Variants in TYW1B observed in about 807,000 individuals in gnomAD.
TYW1B encodes S-adenosyl-L-methionine-dependent tRNA 4-demethylwyosine synthase TYW1B.
TYW1B carries 73 observed loss-of-function variants against 86.9 expected under a neutral mutation model. That is an observed-to-expected ratio of 0.84 (90% CI 0.70 to 1.02). The LOEUF (loss-of-function observed/expected upper bound fraction) is 1.02. Among genes scored for constraint, TYW1B ranks in the 50% least tolerant of loss-of-function variants. TYW1B has a pLI of 0.00. For missense variants in TYW1B, 637 were observed against 827.4 expected (o/e 0.77, Z 2.82); for synonymous variants, 248 against 292.8 (o/e 0.85, Z 1.56).
chr7:72,575,905 G>T (rs529379042), intron 13 of TYW1B, among the ~76,000 whole-genome samples, 186 bp from the exon 14 acceptor site: 1 of 152,162 alleles, frequency 6.6e-6, no homozygotes, highest in South Asian at 2.1e-4. Flanking sequence ...AGCAAGATGC[G>T]CTACAATCAC....
At chr7:72,677,761 G>A (rs1813768396) in intron 11 of TYW1B, among the ~76,000 whole-genome samples, 1 of 152,030 alleles carries the variant, frequency 6.6e-6, no homozygotes, top group Non-Finnish European at 1.5e-5. Flanking sequence ...GAGTGCAGTA[G>A]CGTGATCTTG....
In TYW1B at chr7:72,667,378, T is replaced by C. The variant is rs183546056; in HGVS notation, c.1506+27309A>G. Reference sequence around the variant, plus strand: ...CCTTTGTAAGTATCAATTTAAAACGTTGTATTGAAAGACTGCTGTGCTGTA... The same window carrying C: ...CCTTTGTAAGTATCAATTTAAAACGCTGTATTGAAAGACTGCTGTGCTGTA... On this transcript the variant is annotated intron_variant, in intron 11 of 13. Coordinates refer to ENST00000620995, the MANE Select transcript of TYW1B (RefSeq NM_001145440.3). Among the ~76,000 whole-genome samples, 309 of 152,224 alleles carry C rather than the reference T, an allele frequency of 2.0e-3. 2 individuals are homozygous for C. The highest frequency in any genetic ancestry group is 4.3e-4 in the Non-Finnish European group (29 of 68,004).
intron 11 of TYW1B, among the ~76,000 whole-genome samples, chr7:72,677,544 G>C (rs1554447684): frequency 6.6e-6 from 1 of 152,170 alleles, no homozygotes; most frequent in African/African-American, 2.4e-5. Context: ...TTATACAGTT[G>C]AGGGAGGTTG....
At chr7:72,593,618 C>T (rs1373456477) in intron 13 of TYW1B, among the ~76,000 whole-genome samples, 7 of 151,880 alleles carry the variant, frequency 4.6e-5, no homozygotes, top group African/African-American at 1.2e-4. Flanking sequence ...GTCAGGAGAT[C>T]GAGACCATCC....
chr7:72,692,806 A>C (rs1467611565), intron 11 of TYW1B, among the ~76,000 whole-genome samples: 1 of 152,164 alleles, frequency 6.6e-6, no homozygotes, highest in African/African-American at 2.4e-5. Context: ...AAATCTGGGG[A>C]GACAGTAACC....
At chr7:72,650,109 T>C (rs766450339) in intron 11 of TYW1B, among the ~76,000 whole-genome samples, 2 of 142,994 alleles carry the variant, frequency 1.4e-5, no homozygotes, top group Non-Finnish European at 3.0e-5. Flanking sequence ...AAAGACGGGG[T>C]TTCACCGTGT....
At chr7:72,709,974 A>G (rs1352074546) in intron 10 of TYW1B, among the ~76,000 whole-genome samples, 1 of 152,172 alleles carries the variant, frequency 6.6e-6, no homozygotes, top group African/African-American at 2.4e-5. Context: ...GTATTCCACG[A>G]TCCCTCTGCA....
chr7:72,700,049 A>C (rs1287828154), intron 10 of TYW1B, among the ~76,000 whole-genome samples: 7 of 152,002 alleles, frequency 4.6e-5, no homozygotes, highest in Admixed American at 6.6e-5. Context: ...TACAGTGGAT[A>C]AACTGTATTG....
chr7:72,807,601 C>G (rs1788523117), intron 4 of TYW1B, among the ~76,000 whole-genome samples: 1 of 152,058 alleles, frequency 6.6e-6, no homozygotes, highest in Non-Finnish European at 1.5e-5. Flanking sequence ...CAAACAAACC[C>G]CCTTTATCAA....
intron 7 of TYW1B, among the ~76,000 whole-genome samples, chr7:72,744,890 T>C (rs1293076975): frequency 6.6e-6 from 1 of 152,180 alleles, no homozygotes; most frequent in Non-Finnish European, 1.5e-5. Flanking sequence ...TCAAATAATA[T>C]TAGTACAATA....
intron 7 of TYW1B, among the ~76,000 whole-genome samples, chr7:72,777,035 A>T (rs782028381): frequency 1.3e-5 from 2 of 152,152 alleles, no homozygotes; most frequent in Non-Finnish European, 2.9e-5. Context: ...TTAATCATTC[A>T]TGCAACTATA....
Position 72,771,191 on chromosome 7 carries a change from G to A in TYW1B, c.964+6225C>T, listed in dbSNP as rs782706536. On this transcript the variant is annotated intron_variant, in intron 7 of 13. Transcript: ENST00000620995. ...TTGGCCAGGCTGGTCTCGAACTCCC[G>A]ACCTCAAATGATCCGCCCACCTGGC... Among the ~76,000 whole-genome samples the A allele has an allele frequency of 3.9e-5, 6 of 152,166 alleles. No homozygotes were observed. In the South Asian group the frequency reaches 6.2e-4, roughly 16 times the overall value.
chr7:72,762,834 A>G (rs1170991257), intron 7 of TYW1B, among the ~76,000 whole-genome samples: 3 of 151,814 alleles, frequency 2.0e-5, no homozygotes, highest in Non-Finnish European at 2.9e-5. Flanking sequence ...TAATTTTTGT[A>G]TTTTTAGTAG....
intron 13 of TYW1B, among the ~76,000 whole-genome samples, chr7:72,605,055 T>C (rs1811761870): frequency 6.6e-6 from 1 of 152,188 alleles, no homozygotes; most frequent in East Asian, 1.9e-4. Context: ...TATATCTACA[T>C]GACAAAACTC....
At chr7:72,708,629 A>AT (rs1475409268) in intron 10 of TYW1B, among the ~76,000 whole-genome samples, 1 of 152,110 alleles carries the variant, frequency 6.6e-6, no homozygotes, top group Non-Finnish European at 1.5e-5. Flanking sequence ...CTACAGCCTT[A>AT]TTTTTCTGAA....
chr7:72,816,376 T>TAAATAAATAAATA (rs1554479433), intron 2 of TYW1B, among the ~76,000 whole-genome samples: 1 of 151,364 alleles, frequency 6.6e-6, no homozygotes, highest in East Asian at 1.9e-4. Context: ...ATCTCCAAAA[T>TAAATAAATAAATA]AAATAAATAA....
intron 10 of TYW1B, among the ~76,000 whole-genome samples, chr7:72,706,828 A>G (rs1814626912): frequency 6.6e-6 from 1 of 152,198 alleles, no homozygotes; most frequent in Non-Finnish European, 1.5e-5. Flanking sequence ...GATTTTATGT[A>G]AAACCTCTTG....
At chr7:72,591,830 AT>A (rs782600800) in intron 13 of TYW1B, among the ~76,000 whole-genome samples, 6 of 150,722 alleles carry the variant, frequency 4.0e-5, no homozygotes, top group African/African-American at 1.2e-4. Context: ...TTTTATTTTT[AT>A]TTTTTTGAGA....
intron 7 of TYW1B, among the ~76,000 whole-genome samples, chr7:72,773,417 G>A (rs1459507013): frequency 3.3e-5 from 5 of 152,178 alleles, no homozygotes; most frequent in Non-Finnish European, 7.3e-5. Flanking sequence ...ATAGAGATAG[G>A]AAACACTTAA....
Sources: allele counts gnomAD v4.1 joint callset (sites outside exome capture counted in the v4.1 genomes callset), GRCh38; gene constraint gnomAD v4.1.1; transcripts MANE v1.5; gene names NCBI Gene and HGNC (gene_info 2026-07-23, HGNC 2026-07-21).